ABCA13: variants seen among roughly 807,000 people sequenced by gnomAD.
ABCA13 encodes the protein ATP binding cassette subfamily A member 13, also known as ATP-binding cassette sub-family A member 13.
A neutral mutation model predicts 478.7 loss-of-function variants in ABCA13; 476 were observed. The ratio of observed to expected loss-of-function variants is 0.99; its 90% CI spans 0.92 to 1.07. The LOEUF (loss-of-function observed/expected upper bound fraction) is 1.07. Ranked by LOEUF, ABCA13 falls within the 50% of genes least tolerant of loss-of-function variation. The probability of loss-of-function intolerance (pLI) is 0.00; values close to 1 mark genes in which losing one functional copy is unlikely to be tolerated. For synonymous variants in ABCA13, 2,252 were observed against 2,158.9 expected (o/e 1.04, Z -1.20); for missense variants, 6,060 against 5,910.6 (o/e 1.03, Z -0.83).
intron 55 of ABCA13, among the ~76,000 whole-genome samples, chr7:48,569,558 T>G (rs1370287531): frequency 1.3e-5 from 2 of 152,184 alleles, no homozygotes; most frequent in Non-Finnish European, 2.9e-5. Flanking sequence ...GGAGTGTTGC[T>G]CTTTCACCCA....
At chr7:48,562,102 T>G (rs1786517287) in intron 55 of ABCA13, among the ~76,000 whole-genome samples, 1 of 131,960 alleles carries the variant, frequency 7.6e-6, no homozygotes, top group Admixed American at 7.6e-5. Flanking sequence ...TATGCATATG[T>G]ATGGGGGGGG....
In ABCA13 at chr7:48,298,419, C is replaced by T. The variant is rs753144008; in HGVS notation, c.9253C>T (p.Arg3085Cys). Residue 3085 changes from arginine to cysteine, a missense_variant, in exon 23 of 62, where the codon CGC (arginine) becomes TGC (cysteine). Around this residue, in one of 3 missense-constraint regions of ABCA13, gnomAD observed 4,423 missense variants for 4,309.1 expected, o/e 1.03. Transcript: ENST00000435803. ...TATCACCAAGTTGACTGAGGAGCTT[C>T]GCTCTTCCATCCAAATCTCGAATGA... is the stretch of plus-strand genomic sequence containing the variant. ...KNITKLTEEL[R>C]SSIQISNETI... The T allele has an allele frequency of 2.5e-5, 40 of 1,612,818 alleles. No homozygotes were observed. The highest frequency in any genetic ancestry group is 6.7e-5 in the African/African-American group (5 of 74,918).
Position 48,317,114 on chromosome 7 carries a change from C to A in ABCA13, c.9860-43C>A, listed in dbSNP as rs556341968. 1.3e-5 allele frequency: 20 copies of A among 1,579,700 alleles called. No homozygotes were observed. In the South Asian group the frequency reaches 2.0e-4, roughly 16 times the overall value. On this transcript the variant is annotated intron_variant, in intron 26 of 61. Transcript: ENST00000435803. ...TGAATTTCCCTATTAACCTAGGCATCGTGTATCATTAGCAACTTTTTTTTT... is the reference window on the plus strand; with the variant it reads ...TGAATTTCCCTATTAACCTAGGCATAGTGTATCATTAGCAACTTTTTTTTT...
chr7:48,389,458 G>A (rs1287590645), intron 37 of ABCA13, among the ~76,000 whole-genome samples: 4 of 152,060 alleles, frequency 2.6e-5, no homozygotes, highest in Admixed American at 2.6e-4. Context: ...GGGTAGTGGT[G>A]GATAGCTTTT....
At chr7:48,381,991 G>A (rs1814461235) in intron 35 of ABCA13, among the ~76,000 whole-genome samples, 1 of 152,342 alleles carries the variant, frequency 6.6e-6, no homozygotes, top group Middle Eastern at 3.4e-3. Flanking sequence ...TAGATTAGTA[G>A]ATTAATTAGG....
chr7:48,229,977 T>G (rs1403110965), intron 7 of ABCA13, 22 bp downstream of exon 7: 1 of 1,606,726 alleles, frequency 6.2e-7, no homozygotes, highest in Non-Finnish European at 8.5e-7. Flanking sequence ...TTGTAGCTAT[T>G]GCTATATTTC....
intron 32 of ABCA13, among the ~76,000 whole-genome samples, chr7:48,370,741 A>G (rs1812503389): frequency 6.6e-6 from 1 of 152,220 alleles, no homozygotes; most frequent in Non-Finnish European, 1.5e-5. Context: ...CGATGCTAAG[A>G]AGAAAGTTCA....
chr7:48,299,096 G>A (rs949803354), intron 23 of ABCA13, among the ~76,000 whole-genome samples: 4 of 152,150 alleles, frequency 2.6e-5, no homozygotes, highest in Non-Finnish European at 5.9e-5. Flanking sequence ...AGGGGAACGG[G>A]GACATCTCAT....
At chr7:48,225,567 A>G (rs573559570) in intron 5 of ABCA13, among the ~76,000 whole-genome samples, 3 of 152,188 alleles carry the variant, frequency 2.0e-5, no homozygotes, top group Non-Finnish European at 4.4e-5. Flanking sequence ...TATTGCATTC[A>G]GTTGTCCTGT....
chr7:48,208,550 G>A (rs1785220631), intron 3 of ABCA13, among the ~76,000 whole-genome samples: 1 of 151,870 alleles, frequency 6.6e-6, no homozygotes. Context: ...TCCTAGGTAT[G>A]TTATTTTATT....
intron 3 of ABCA13, among the ~76,000 whole-genome samples, chr7:48,204,296 G>T (rs1020687022): frequency 6.6e-6 from 1 of 151,118 alleles, no homozygotes; most frequent in Admixed American, 6.6e-5. Context: ...TGCAACCTCC[G>T]CCTCCCGGGT....
chr7:48,175,826 C>T (rs143965269), intron 1 of ABCA13, among the ~76,000 whole-genome samples: 3,958 of 152,166 alleles, frequency 0.026, 148 homozygotes, highest in African/African-American at 0.084. Flanking sequence ...ATAAATCTAT[C>T]CCTATTCTCT....
chr7:48,229,943 G>A lies in ABCA13; in HGVS notation c.751G>A (p.Val251Ile), dbSNP rs1430876077. The A allele has an allele frequency of 1.2e-6, 2 of 1,613,822 alleles. No homozygotes were observed. The highest frequency in any genetic ancestry group is 2.2e-5 in the South Asian group (2 of 91,030). ...ACTGACATTTCTGCAGCAACATGGA[G>A]TAGCAGTCACCGGTATGGGTGCCTT... is the stretch of plus-strand genomic sequence containing the variant. ...STLTFLQQHG[V>I]AVTEPVYHLS... Residue 251 changes from valine to isoleucine, a missense_variant, in exon 7 of 62, where the codon GTA becomes ATA. By Grantham distance (29) the Val-to-Ile change is conservative (BLOSUM62 3). Coordinates refer to ENST00000435803, the MANE Select transcript of ABCA13 (RefSeq NM_152701.5).
chr7:48,283,833 A>T (rs1197518409), intron 19 of ABCA13, among the ~76,000 whole-genome samples: 1 of 152,210 alleles, frequency 6.6e-6, no homozygotes, highest in Non-Finnish European at 1.5e-5. Flanking sequence ...AAGTGCTGTA[A>T]TGGAAGAAGC....
In ABCA13 at chr7:48,592,415, T is replaced by A. The variant is rs564243353; in HGVS notation, c.14641-2295T>A. Among the ~76,000 whole-genome samples, 3 of 152,108 alleles carry A rather than the reference T, an allele frequency of 2.0e-5. No individual in the cohort carries two copies. The East Asian group carries it at 5.8e-4, about 29-fold the overall frequency. On this transcript the variant is annotated intron_variant, in intron 57 of 61. Coordinates refer to ENST00000435803, the MANE Select transcript of ABCA13 (RefSeq NM_152701.5). ...TTTTCCTCCTTATTAATTTCTAGTA[T>A]CATACCATGGTGGTCTGAAATGATA...
intron 55 of ABCA13, among the ~76,000 whole-genome samples, chr7:48,557,435 T>TC (rs1218231426): frequency 1.3e-5 from 2 of 152,094 alleles, no homozygotes; most frequent in Non-Finnish European, 2.9e-5. Flanking sequence ...TCTTTTTTTT[T>TC]CCCTTCATGT....
intron 47 of ABCA13, among the ~76,000 whole-genome samples, chr7:48,488,662 T>A (rs1829564894): frequency 6.6e-6 from 1 of 152,234 alleles, no homozygotes; most frequent in African/African-American, 2.4e-5. Context: ...ATATTGATAC[T>A]TTGAAATATA....
rs185365676 is a variant in ABCA13 at position 48,404,036 on chromosome 7, C to G, written c.12070+157C>G. On this transcript the variant is annotated intron_variant, in intron 39 of 61. Transcript: ENST00000435803. ...TTAAAAGCACTTATAGGGATATATT[C>G]GTTAGATAACATCTCTATAGTGCTT... 6 of 837,116 alleles carry G rather than the reference C, an allele frequency of 7.2e-6. No homozygotes were observed. In the East Asian group the frequency reaches 1.7e-4, roughly 24 times the overall value. 51.9% of individuals were successfully genotyped at this position (837,116 alleles called of 1,614,324 possible).
At chr7:48,374,923 G>A (rs1275818595) in intron 34 of ABCA13, among the ~76,000 whole-genome samples, 1 of 152,164 alleles carries the variant, frequency 6.6e-6, no homozygotes, top group Non-Finnish European at 1.5e-5. Context: ...TGTCAGGTCA[G>A]TGGGGCCATT....
Sources: allele counts gnomAD v4.1 joint callset (sites outside exome capture counted in the v4.1 genomes callset), GRCh38; gene constraint gnomAD v4.1.1; regional missense constraint gnomAD v4.1.1; transcripts MANE v1.5; gene names NCBI Gene and HGNC (gene_info 2026-07-23, HGNC 2026-07-21).